Variants in MAGI2 observed in about 807,000 individuals in gnomAD.
MAGI2 encodes the protein membrane-associated guanylate kinase, WW and PDZ domain-containing protein 2.
In MAGI2, 35 loss-of-function variants were observed where a neutral mutation model predicts 133.3. The observed-to-expected ratio is 0.26, with a 90% confidence interval of 0.20 to 0.35. The LOEUF (loss-of-function observed/expected upper bound fraction) is 0.35, where lower values mean the gene tolerates loss of function less well. Among genes scored for constraint, MAGI2 ranks in the 10% least tolerant of loss-of-function variants. The pLI is 1.00. For missense variants in MAGI2, 1,636 were observed against 1,863.4 expected (o/e 0.88, Z 2.25); for synonymous variants, 729 against 710.6 (o/e 1.03, Z -0.41).
chr7:79,022,446 C>T (rs573852633), intron 1 of MAGI2, among the ~76,000 whole-genome samples: 1 of 151,898 alleles, frequency 6.6e-6, no homozygotes, highest in South Asian at 2.1e-4. Context: ...AATTAACCAC[C>T]CAACATCATA....
intron 2 of MAGI2, among the ~76,000 whole-genome samples, chr7:78,916,769 T>C (rs965950834): frequency 2.6e-5 from 4 of 152,102 alleles, no homozygotes; most frequent in Non-Finnish European, 4.4e-5. Flanking sequence ...GAAGTTAGAA[T>C]TGCAGGCTGG....
chr7:78,253,405 G>A lies in MAGI2; in HGVS notation c.2047+2538C>T, dbSNP rs575476356. ...CCTGGGGTTTGGGAGAATTCGGGAT[G>A]ATGGATGTTCTAAGGATTATGATGA... is the stretch of plus-strand genomic sequence containing the variant. On this transcript the variant is annotated intron_variant, in intron 10 of 21. Coordinates refer to ENST00000354212, the MANE Select transcript of MAGI2 (RefSeq NM_012301.4). The A allele has an allele frequency of 1.1e-4, 16 of 152,334 alleles. No homozygotes were observed. The East Asian group carries it at 3.1e-3, about 29-fold the overall frequency. 9.4% of individuals were successfully genotyped at this position (152,334 alleles called of 1,614,324 possible).
intron 5 of MAGI2, among the ~76,000 whole-genome samples, chr7:78,493,341 C>T (rs1793792443): frequency 6.6e-6 from 1 of 152,162 alleles, no homozygotes; most frequent in South Asian, 2.1e-4. Flanking sequence ...TTCATTTCAA[C>T]AAGAAAAGCT....
chr7:78,612,132 T>A (rs944876033), intron 3 of MAGI2, among the ~76,000 whole-genome samples: 2 of 152,214 alleles, frequency 1.3e-5, no homozygotes, highest in South Asian at 4.1e-4. Context: ...GGACACAATT[T>A]TTTTTTCAGT....
intron 1 of MAGI2, among the ~76,000 whole-genome samples, chr7:79,293,015 C>T (rs960360732): frequency 6.6e-6 from 1 of 152,200 alleles, no homozygotes; most frequent in Non-Finnish European, 1.5e-5. Context: ...CTCACTCACT[C>T]TGTCCTACAG....
chr7:78,341,718 C>T lies in MAGI2; in HGVS notation c.1408+2060G>A, dbSNP rs373372461. Reference sequence around the variant, plus strand: ...AAAACAAGCAATGGGGAAAGAATTCCCTATTTAATAAATGGTGTTGGGAAA... The same window carrying T: ...AAAACAAGCAATGGGGAAAGAATTCTCTATTTAATAAATGGTGTTGGGAAA... On this transcript the variant is annotated intron_variant, in intron 9 of 21. Transcript: ENST00000354212. Among the ~76,000 whole-genome samples, 294 of 152,248 alleles carry T rather than the reference C, an allele frequency of 1.9e-3. 1 individual carries two copies. Among genetic ancestry groups the T allele is most frequent in the Non-Finnish European group, 3.5e-3 (235 of 67,996 alleles).
intron 2 of MAGI2, among the ~76,000 whole-genome samples, chr7:78,914,130 A>C (rs112713183): frequency 2.6e-4 from 40 of 152,322 alleles, no homozygotes; most frequent in African/African-American, 9.4e-4. Context: ...ATGGTGAATT[A>C]TTGGTGGTTT....
intron 2 of MAGI2, among the ~76,000 whole-genome samples, chr7:78,783,912 G>A (rs777495519): frequency 6.6e-6 from 1 of 152,200 alleles, no homozygotes; most frequent in African/African-American, 2.4e-5. Context: ...GTCAAGCTTA[G>A]AGACACACAT....
Position 78,168,015 on chromosome 7 carries a change from C to G in MAGI2, c.2497G>C (p.Val833Leu). The change falls in exon 15 of 22, where the codon GTA (valine) becomes CTA (leucine). Residue 833 changes from valine (V) to leucine (L), a missense_variant. Val to Leu is a conservative substitution (Grantham distance 32). Transcript: ENST00000354212. ...DELVYVDGIP[V>L]AGKTHRYVID... is the part of the protein sequence containing the mutation. Reference sequence around the variant, plus strand: ...ACATAGCGGTGGGTTTTGCCGGCTACTGGAATCCCATCAACATACACAAGC... The same window carrying G: ...ACATAGCGGTGGGTTTTGCCGGCTAGTGGAATCCCATCAACATACACAAGC... 1.2e-6 allele frequency: 2 copies of G among 1,614,178 alleles called. No homozygotes were observed. Among genetic ancestry groups the G allele is most frequent in the South Asian group, 1.1e-5 (1 of 91,076 alleles).
intron 2 of MAGI2, among the ~76,000 whole-genome samples, chr7:78,742,027 A>T (rs566441890): frequency 6.6e-6 from 1 of 152,014 alleles, no homozygotes; most frequent in East Asian, 2.0e-4. Flanking sequence ...ATCAAAGGAC[A>T]GTAATCAGGA....
chr7:78,201,441 G>A (rs1829243127), intron 10 of MAGI2, among the ~76,000 whole-genome samples: 1 of 152,220 alleles, frequency 6.6e-6, no homozygotes, highest in Non-Finnish European at 1.5e-5. Context: ...GAGAAGGCAA[G>A]TGAACATGTA....
chr7:78,399,548 T>G (rs1796659760), intron 6 of MAGI2, among the ~76,000 whole-genome samples: 1 of 152,172 alleles, frequency 6.6e-6, no homozygotes, highest in African/African-American at 2.4e-5. Context: ...CTCATGCCAG[T>G]AATCCCAGCA....
intron 2 of MAGI2, among the ~76,000 whole-genome samples, chr7:78,934,306 G>A (rs1265640621): frequency 1.3e-5 from 2 of 152,046 alleles, no homozygotes; most frequent in Admixed American, 6.6e-5. Context: ...GTTTTACTAC[G>A]TTAGCCAGGC....
chr7:78,986,589 A>G (rs978258833), intron 2 of MAGI2, among the ~76,000 whole-genome samples: 1 of 151,908 alleles, frequency 6.6e-6, no homozygotes, highest in Non-Finnish European at 1.5e-5. Context: ...TGGTGTGATC[A>G]TAGCTCACTG....
At chr7:79,290,662 A>G (rs1836402040) in intron 1 of MAGI2, among the ~76,000 whole-genome samples, 1 of 151,864 alleles carries the variant, frequency 6.6e-6, no homozygotes, top group Admixed American at 6.6e-5. Context: ...TGATTTCTTC[A>G]CACATTTAGT....
intron 2 of MAGI2, among the ~76,000 whole-genome samples, chr7:78,825,216 A>C (rs1790516534): frequency 6.6e-6 from 1 of 152,196 alleles, no homozygotes. Flanking sequence ...ACAAACTTGC[A>C]CATTCTGCAT....
At chr7:79,175,481 C>T (rs1260899827) in intron 1 of MAGI2, among the ~76,000 whole-genome samples, 1 of 151,908 alleles carries the variant, frequency 6.6e-6, no homozygotes, top group Non-Finnish European at 1.5e-5. Flanking sequence ...CATCAGTTGT[C>T]CCTATCTAAA....
chr7:79,042,543 A>G (rs1423848548), intron 1 of MAGI2, among the ~76,000 whole-genome samples: 2 of 152,108 alleles, frequency 1.3e-5, no homozygotes, highest in Non-Finnish European at 2.9e-5. Flanking sequence ...GTTACTATTT[A>G]TATACTAAAT....
intron 13 of MAGI2, among the ~76,000 whole-genome samples, chr7:78,182,285 T>C (rs1827258956): frequency 6.6e-6 from 1 of 152,216 alleles, no homozygotes; most frequent in African/African-American, 2.4e-5. Flanking sequence ...ACTCCAGATA[T>C]AGAAAGAGTT....
Sources: allele counts gnomAD v4.1 joint callset (sites outside exome capture counted in the v4.1 genomes callset), GRCh38; gene constraint gnomAD v4.1.1; transcripts MANE v1.5; gene names NCBI Gene and HGNC (gene_info 2026-07-23, HGNC 2026-07-21).